The following MMD variants were observed in gnomAD, a reference collection of about 807,000 sequenced individuals.
The protein encoded by MMD is monocyte to macrophage differentiation factor.
In MMD, 22 loss-of-function variants were observed where a neutral mutation model predicts 33.6. The observed-to-expected ratio is 0.66, with a 90% CI of 0.47 to 0.94. The LOEUF is 0.94. MMD is among the 40% of genes least tolerant of loss of function. The probability of loss-of-function intolerance (pLI) is 0.00; values close to 1 mark genes in which losing one functional copy is unlikely to be tolerated. For synonymous variants in MMD, 97 were observed against 103.2 expected (o/e 0.94, Z 0.36); for missense variants, 242 against 309.8 (o/e 0.78, Z 1.64).
chr17:55,394,546 G>GAA lies in MMD; in HGVS notation c.517-14_517-13dup. 6 of 1,418,722 alleles carry GAA rather than the reference G, an allele frequency of 4.2e-6. No homozygotes were observed. The highest frequency in any genetic ancestry group is 1.7e-5 in the South Asian group (1 of 58,898). 87.9% of individuals were successfully genotyped at this position (1,418,722 alleles called of 1,614,324 possible). ...CCATCGGTGTTGTTCTGTCAACAGA[G>GAA]AAAAAAAAATAAAAAGGGTTTGATG... On this transcript the variant is annotated splice_polypyrimidine_tract_variant and intron_variant, in intron 6 of 6. Coordinates refer to ENST00000262065, the MANE Select transcript of MMD (RefSeq NM_012329.3).
chr17:55,405,620 C>G (rs1368275522), intron 4 of MMD, among the ~76,000 whole-genome samples: 1 of 152,088 alleles, frequency 6.6e-6, no homozygotes, highest in Non-Finnish European at 1.5e-5. Flanking sequence ...TTGGAACACC[C>G]TGTAGGTTCC....
chr17:55,394,360 G>T lies in MMD; in HGVS notation c.691C>A (p.Pro231Thr). The T allele has an allele frequency of 7.1e-7, 1 of 1,406,616 alleles. No individual in the cohort carries two copies. The highest frequency in any genetic ancestry group is 1.8e-5 in the South Asian group (1 of 54,484). 87.1% of individuals were successfully genotyped at this position (1,406,616 alleles called of 1,614,324 possible). ...YAIWKYLYRS[P>T]TDFMRHL The stretch of plus-strand genomic sequence containing the variant: ...CATAAATGCCGCATAAAGTCCGTAG[G>T]ACTTCGGTAAAGGTATTTCCAAATG... Residue 231 changes from proline (P) to threonine (T), a missense_variant, in exon 7 of 7, where the codon CCT (proline) becomes ACT (threonine). Transcript: ENST00000262065.
intron 3 of MMD, among the ~76,000 whole-genome samples, chr17:55,410,254 C>T (rs776008551): frequency 6.6e-6 from 1 of 152,160 alleles, no homozygotes; most frequent in Non-Finnish European, 1.5e-5. Context: ...TGTGAGGAAA[C>T]CAGTAATCAT....
chr17:55,418,370 T>G (rs1340015511), intron 1 of MMD, among the ~76,000 whole-genome samples: 1 of 152,238 alleles, frequency 6.6e-6, no homozygotes, highest in Non-Finnish European at 1.5e-5. Flanking sequence ...GTTGAATGAA[T>G]AGAAAGACAT....
chr17:55,407,826 G>A lies in MMD; in HGVS notation c.270-6C>T, dbSNP rs1409698159. On this transcript the variant is annotated splice_polypyrimidine_tract_variant and splice_region_variant and intron_variant, in intron 3 of 6. Transcript: ENST00000262065. Reference sequence around the variant, plus strand: ...GAAAACAATGCTCCACTGTCCTAGCGAGGGGGAAAAAAAAGTAAATTTGTC... The same window carrying A: ...GAAAACAATGCTCCACTGTCCTAGCAAGGGGGAAAAAAAAGTAAATTTGTC... 19 of 1,553,750 alleles carry A rather than the reference G, an allele frequency of 1.2e-5. 1 individual carries two copies. In the East Asian group the frequency reaches 4.3e-4, roughly 36 times the overall value.
chr17:55,416,371 G>A (rs528149139), intron 1 of MMD, among the ~76,000 whole-genome samples: 2 of 152,220 alleles, frequency 1.3e-5, no homozygotes, highest in East Asian at 3.9e-4. Flanking sequence ...TGATCACCTG[G>A]AATAATTCAC....
chr17:55,413,006 A>T (rs565779999), intron 2 of MMD, among the ~76,000 whole-genome samples: 1 of 152,298 alleles, frequency 6.6e-6, no homozygotes, highest in Non-Finnish European at 1.5e-5. Context: ...ATACGGTTTA[A>T]TAAGATTATA....
intron 6 of MMD, among the ~76,000 whole-genome samples, chr17:55,398,111 C>CAAAAAAAAAAAAAAAAAA (rs57881926): frequency 7.6e-6 from 1 of 132,162 alleles, no homozygotes; most frequent in African/African-American, 2.8e-5. Context: ...ATTATTTCTT[C>CAAAAAAAAAAAAAAAAAA]AAAAAAAAAA....
chr17:55,407,050 C>T (rs1343669033), intron 4 of MMD, among the ~76,000 whole-genome samples: 2 of 151,192 alleles, frequency 1.3e-5, no homozygotes, highest in Non-Finnish European at 2.9e-5. Flanking sequence ...AAAAATAGGC[C>T]GGGCACGGTG....
chr17:55,418,430 A>C (rs1385574780), intron 1 of MMD, among the ~76,000 whole-genome samples: 1 of 152,238 alleles, frequency 6.6e-6, no homozygotes, highest in South Asian at 2.1e-4. Context: ...CCCATAGTCA[A>C]TTAGTTTTAC....
chr17:55,415,603 CT>C (rs1263119791), intron 1 of MMD, among the ~76,000 whole-genome samples: 2 of 152,200 alleles, frequency 1.3e-5, no homozygotes, highest in African/African-American at 4.8e-5. Context: ...AGCCAATACT[CT>C]TTCCCTGAGT....
At chr17:55,398,111 C>CAA (rs57881926) in intron 6 of MMD, among the ~76,000 whole-genome samples, 8,900 of 131,728 alleles carry the variant, frequency 0.068, 555 homozygotes, top group African/African-American at 0.18. Flanking sequence ...ATTATTTCTT[C>CAA]AAAAAAAAAA....
At chr17:55,398,740 C>T (rs952573608) in intron 6 of MMD, among the ~76,000 whole-genome samples, 12 of 152,122 alleles carry the variant, frequency 7.9e-5, no homozygotes, top group Admixed American at 6.6e-4. Context: ...TCTAGAGTAG[C>T]CCTCCCTCTA....
At chr17:55,418,285 T>A (rs1224887869) in intron 1 of MMD, among the ~76,000 whole-genome samples, 1 of 152,268 alleles carries the variant, frequency 6.6e-6, no homozygotes, top group East Asian at 1.9e-4. Flanking sequence ...GTGAATTCCA[T>A]GAAGGCTGTC....
intron 6 of MMD, 41 bp downstream of exon 6, chr17:55,401,428 G>A (rs558831415): frequency 2.7e-6 from 4 of 1,507,754 alleles, no homozygotes; most frequent in East Asian, 4.5e-5. Context: ...AGTTCCAGCA[G>A]CTTAAAAGAA....
intron 2 of MMD, among the ~76,000 whole-genome samples, chr17:55,413,163 G>A (rs1393316465): frequency 6.6e-6 from 1 of 152,108 alleles, no homozygotes; most frequent in Non-Finnish European, 1.5e-5. Context: ...ATTCCTAAAG[G>A]TAAGCTGTGT....
Position 55,404,592 on chromosome 17 carries a change from C to G in MMD, c.345-724G>C, listed in dbSNP as rs1171983081. 3.0e-6 allele frequency: 3 copies of G among 985,166 alleles called. No individual in the cohort carries two copies. The African/African-American group carries it at 5.2e-5, about 17-fold the overall frequency. The allele number at this position is 985,166 out of a possible 1,614,324, so 61.0% of individuals were successfully genotyped here. ...CAGGATCAGATACCCACAGTGGATA[C>G]CTAATACACAAACCAAGTGTGTCTC... On this transcript the variant is annotated intron_variant, in intron 4 of 6. Transcript: ENST00000262065.
chr17:55,394,652 A>G (rs2143111701), intron 6 of MMD, 118 bp from the exon 7 acceptor site: 1 of 855,318 alleles, frequency 1.2e-6, no homozygotes, highest in African/African-American at 1.8e-5. Flanking sequence ...AGCTGTGTGA[A>G]CACAATCCTG....
At chr17:55,415,953 C>T (rs1487330772) in intron 1 of MMD, among the ~76,000 whole-genome samples, 4 of 152,138 alleles carry the variant, frequency 2.6e-5, no homozygotes, top group African/African-American at 9.7e-5. Flanking sequence ...TACTAATTTC[C>T]TAAGAGACAA....
Sources: allele counts gnomAD v4.1 joint callset (sites outside exome capture counted in the v4.1 genomes callset), GRCh38; gene constraint gnomAD v4.1.1; transcripts MANE v1.5; gene names NCBI Gene and HGNC (gene_info 2026-07-23, HGNC 2026-07-21).